Variants in SHISA9 observed in about 807,000 individuals in gnomAD.
The protein encoded by SHISA9 is protein shisa-9.
In SHISA9, 13 loss-of-function variants were observed where a neutral mutation model predicts 38.0. That is an observed-to-expected ratio of 0.34 (90% confidence interval 0.22 to 0.54). SHISA9 has a LOEUF of 0.54. Ranked by LOEUF, SHISA9 falls within the 20% of genes least tolerant of loss-of-function variation. The pLI is 0.91. For synonymous variants in SHISA9, 275 were observed against 242.0 expected, an observed-to-expected ratio of 1.14 and a Z score of -1.27; for missense variants, 538 against 575.8, an observed-to-expected ratio of 0.93 and a Z score of 0.67.
At chr16:13,501,432 C>T in the SHISA9 span, among the ~76,000 whole-genome samples, 1 of 152,066 alleles carries the variant, frequency 6.6e-6, no homozygotes, top group African/African-American at 2.4e-5. Flanking sequence ...ATGCCAAGGG[C>T]AGTGGGAGGG....
chr16:13,187,095 T>G (rs1460770460), intron 2 of SHISA9, among the ~76,000 whole-genome samples: 1 of 152,198 alleles, frequency 6.6e-6, no homozygotes, highest in Non-Finnish European at 1.5e-5. Flanking sequence ...CTGTTTCACA[T>G]GCAGCAGCAC....
intron 2 of SHISA9, among the ~76,000 whole-genome samples, chr16:13,198,714 C>T (rs1236175037): frequency 6.6e-6 from 1 of 152,214 alleles, no homozygotes; most frequent in African/African-American, 2.4e-5. Context: ...TCACAAATGT[C>T]TGTTTAATAA....
rs144491668 is a variant in SHISA9, at chr16:13,177,807, C to G, written c.692-25587C>G. ...GCCTCAGCCTCCCGAGTAGCTGACACTACAGGCAATCGCCACCATACCTGG... is the reference window on the plus strand; with the variant it reads ...GCCTCAGCCTCCCGAGTAGCTGACAGTACAGGCAATCGCCACCATACCTGG... On this transcript the variant is annotated intron_variant, in intron 2 of 4. Transcript: ENST00000558583. Among the ~76,000 whole-genome samples the G allele has an allele frequency of 4.9e-3, 742 of 152,230 alleles. 7 individuals carry two copies. The highest frequency in any genetic ancestry group is 0.016 in the African/African-American group (663 of 41,542).
the SHISA9 span, among the ~76,000 whole-genome samples, chr16:13,456,422 G>C: frequency 2.0e-5 from 3 of 152,098 alleles, no homozygotes; most frequent in African/African-American, 7.2e-5. Context: ...ACGATACCTA[G>C]TACAATATTT....
chr16:12,939,550 C>T (rs925693840), intron 2 of SHISA9, among the ~76,000 whole-genome samples: 2 of 152,162 alleles, frequency 1.3e-5, no homozygotes, highest in Admixed American at 6.6e-5. Context: ...CCATAGTTCT[C>T]ATTTATGATT....
chr16:13,261,068 T>G, the SHISA9 span, among the ~76,000 whole-genome samples: 1 of 152,156 alleles, frequency 6.6e-6, no homozygotes, highest in Non-Finnish European at 1.5e-5. Context: ...GCCCCCATGA[T>G]TCAATTACCT....
intron 2 of SHISA9, among the ~76,000 whole-genome samples, chr16:13,194,071 C>T (rs1300391069): frequency 6.6e-6 from 1 of 152,128 alleles, no homozygotes; most frequent in Non-Finnish European, 1.5e-5. Flanking sequence ...AGTCTTCCTC[C>T]TCTCTCTTTC....
chr16:13,406,074 A>G, the SHISA9 span, among the ~76,000 whole-genome samples: 1 of 152,226 alleles, frequency 6.6e-6, no homozygotes, highest in Non-Finnish European at 1.5e-5. Flanking sequence ...AGAATGGGAG[A>G]AAGTATTTGC....
At chr16:13,127,335 G>A (rs1351370379) in intron 2 of SHISA9, among the ~76,000 whole-genome samples, 2 of 136,978 alleles carry the variant, frequency 1.5e-5, no homozygotes, top group African/African-American at 5.5e-5. Context: ...ATGAAGGGGT[G>A]AGAGAGTGAG....
At chr16:13,552,004 G>A in the SHISA9 span, among the ~76,000 whole-genome samples, 1 of 152,114 alleles carries the variant, frequency 6.6e-6, no homozygotes, top group Non-Finnish European at 1.5e-5. Flanking sequence ...TCCAGCCTGG[G>A]TAACAGAACG....
Position 13,046,198 on chromosome 16 carries a change from G to A in SHISA9, c.691+129383G>A, listed in dbSNP as rs144375586. Among the ~76,000 whole-genome samples, 3 of 152,266 alleles carry A rather than the reference G, an allele frequency of 2.0e-5. 1 individual carries two copies. In the East Asian group the frequency reaches 5.8e-4, roughly 29 times the overall value. ...TATTACACAGCCTTGTGGCCAAGAT[G>A]AATAATGAATGTAGAATCATAGTTG... On this transcript the variant is annotated intron_variant, in intron 2 of 4. Coordinates refer to ENST00000558583, the MANE Select transcript of SHISA9 (RefSeq NM_001145204.3).
the SHISA9 span, among the ~76,000 whole-genome samples, chr16:13,256,122 C>T: frequency 6.6e-6 from 1 of 152,166 alleles, no homozygotes; most frequent in East Asian, 1.9e-4. Flanking sequence ...TGCCTGTTTC[C>T]TCTGCCAGAA....
the SHISA9 span, among the ~76,000 whole-genome samples, chr16:13,551,426 T>A: frequency 6.6e-6 from 1 of 152,188 alleles, no homozygotes; most frequent in Admixed American, 6.5e-5. Flanking sequence ...CATGAGTACA[T>A]GAATGGGTTT....
intron 2 of SHISA9, among the ~76,000 whole-genome samples, chr16:12,968,075 A>T (rs1367535420): frequency 2.6e-5 from 4 of 151,834 alleles, no homozygotes; most frequent in Non-Finnish European, 4.4e-5. Context: ...TTGTAATCCC[A>T]GTTACTTGGG....
At chr16:13,247,468 AG>A in the SHISA9 span, among the ~76,000 whole-genome samples, 1 of 152,236 alleles carries the variant, frequency 6.6e-6, no homozygotes, top group Admixed American at 6.5e-5. Flanking sequence ...TCACAGAGCA[AG>A]TGCTGGAGCG....
chr16:12,971,961 T>C (rs1437175134), intron 2 of SHISA9, among the ~76,000 whole-genome samples: 3 of 151,938 alleles, frequency 2.0e-5, no homozygotes, highest in Non-Finnish European at 4.4e-5. Context: ...TCTTGCATGC[T>C]TAATCTATGC....
At chr16:13,055,233 G>T (rs1339275008) in intron 2 of SHISA9, among the ~76,000 whole-genome samples, 1 of 152,180 alleles carries the variant, frequency 6.6e-6, no homozygotes, top group South Asian at 2.1e-4. Flanking sequence ...GAGTCACAGA[G>T]AAAGTAAGTG....
In SHISA9 at chr16:12,916,979, C is replaced by T. The variant is rs75404474; in HGVS notation, c.691+164C>T. ...GGATGAAGCTGAATTTAGCATCATC[C>T]GATGTCCGTTGGTTGCTTTCTTTGT... On this transcript the variant is annotated intron_variant, in intron 2 of 4. Transcript: ENST00000558583. Among the ~76,000 whole-genome samples the T allele has an allele frequency of 9.9e-5, 15 of 152,228 alleles. No individual in the cohort carries two copies. In the East Asian group the frequency reaches 1.9e-3, roughly 20 times the overall value.
chr16:13,020,834 G>A (rs1567184658), intron 2 of SHISA9, among the ~76,000 whole-genome samples: 1 of 152,190 alleles, frequency 6.6e-6, no homozygotes, highest in Admixed American at 6.5e-5. Flanking sequence ...CATGTATTCA[G>A]GGTGTAAATT....
Sources: allele counts gnomAD v4.1 joint callset (sites outside exome capture counted in the v4.1 genomes callset), GRCh38; gene constraint gnomAD v4.1.1; transcripts MANE v1.5; gene names NCBI Gene and HGNC (gene_info 2026-07-23, HGNC 2026-07-21).